SLC9C1: variants seen among roughly 807,000 people sequenced by gnomAD.
SLC9C1 encodes sodium/hydrogen exchanger 10.
SLC9C1 carries 97 observed loss-of-function variants against 140.9 expected under a neutral mutation model. The ratio of observed to expected loss-of-function variants is 0.69; its 90% CI spans 0.58 to 0.82. The LOEUF (loss-of-function observed/expected upper bound fraction) is 0.82, where lower values mean the gene tolerates loss of function less well. SLC9C1 is among the 40% of genes least tolerant of loss of function. The probability of loss-of-function intolerance (pLI) is 0.00; values close to 1 mark genes in which losing one functional copy is unlikely to be tolerated. For synonymous variants in SLC9C1, 440 were observed against 442.6 expected (o/e 0.99, Z 0.07); for missense variants, 1,340 against 1,389.3 (o/e 0.96, Z 0.56).
intron 6 of SLC9C1, among the ~76,000 whole-genome samples, chr3:112,270,354 C>T (rs1320783671): frequency 6.6e-6 from 1 of 152,172 alleles, no homozygotes; most frequent in Non-Finnish European, 1.5e-5. Flanking sequence ...ATTTACATTC[C>T]CACCAACAGT....
intron 28 of SLC9C1, among the ~76,000 whole-genome samples, chr3:112,145,895 T>C (rs966835248): frequency 1.1e-4 from 16 of 152,016 alleles, no homozygotes; most frequent in African/African-American, 3.6e-4. Context: ...AAGGGGGAGT[T>C]TCCCTGCCCA....
At chr3:112,147,267 G>C (rs896109821) in intron 28 of SLC9C1, among the ~76,000 whole-genome samples, 1 of 152,058 alleles carries the variant, frequency 6.6e-6, no homozygotes, top group Non-Finnish European at 1.5e-5. Flanking sequence ...TTTTACGTGG[G>C]GGTGTTTACA....
rs558199458 is a variant in SLC9C1, at chr3:112,191,799, G to A, written c.2523+7522C>T. Among the ~76,000 whole-genome samples the A allele has an allele frequency of 4.6e-5, 7 of 151,970 alleles. No individual in the cohort carries two copies. In the South Asian group the frequency reaches 1.5e-3, roughly 32 times the overall value. On this transcript the variant is annotated intron_variant, in intron 20 of 28. Coordinates refer to ENST00000305815, the MANE Select transcript of SLC9C1 (RefSeq NM_183061.3). ...AAGTTTTTCTTTCTATATGGTGTGA[G>A]GTATGGATCTAATGTTATATTTTTT...
rs373995955 is a variant in SLC9C1 at position 112,233,012 on chromosome 3, A to C, written c.1447-1526T>G. 2.2e-4 allele frequency among the ~76,000 whole-genome samples: 32 copies of C among 147,114 alleles called. 1 individual carries two copies. In the East Asian group the frequency reaches 5.5e-3, roughly 25 times the overall value. On this transcript the variant is annotated intron_variant, in intron 12 of 28. Transcript: ENST00000305815. ...TTTGGTCAAAAACTAGCCATTTTCT[A>C]AGGTTCACTTTCATACACACACACA...
intron 7 of SLC9C1, among the ~76,000 whole-genome samples, chr3:112,268,206 C>G (rs1006157045): frequency 2.6e-5 from 4 of 152,052 alleles, no homozygotes; most frequent in African/African-American, 9.7e-5. Flanking sequence ...ATGAGGAACC[C>G]ACCTGAATTA....
intron 10 of SLC9C1, among the ~76,000 whole-genome samples, chr3:112,245,307 T>TA (rs1451506288): frequency 4.6e-5 from 7 of 152,268 alleles, no homozygotes; most frequent in East Asian, 1.9e-4. Flanking sequence ...TGTACGTTTT[T>TA]AAAAAAATTG....
intron 26 of SLC9C1, among the ~76,000 whole-genome samples, chr3:112,159,470 T>A (rs980038902): frequency 3.9e-5 from 6 of 152,140 alleles, no homozygotes; most frequent in Non-Finnish European, 5.9e-5. Context: ...AGACTTGTTT[T>A]GTGGCTTAAC....
intron 1 of SLC9C1, among the ~76,000 whole-genome samples, chr3:112,291,172 G>C (rs2080671013): frequency 6.6e-6 from 1 of 152,152 alleles, no homozygotes; most frequent in South Asian, 2.1e-4. Flanking sequence ...TTTTTGTAGT[G>C]GCTGGTAATG....
At chr3:112,194,542 T>C (rs2077730827) in intron 20 of SLC9C1, among the ~76,000 whole-genome samples, 1 of 152,222 alleles carries the variant, frequency 6.6e-6, no homozygotes, top group Admixed American at 6.5e-5. Context: ...TCACTGTAAA[T>C]TAATTGGCTT....
Position 112,231,301 on chromosome 3 carries a change from GA to G in SLC9C1, c.1572+59del, listed in dbSNP as rs142627925. The G allele has an allele frequency of 1.9e-3, 3,011 of 1,591,468 alleles. 52 individuals carry two copies. In the African/African-American group the frequency reaches 0.033, roughly 18 times the overall value. ...GCATGATCAAGATGTCTTTATAAAG[GA>G]GGAATTTTTCAACATAATTTTTGGC... is the stretch of plus-strand genomic sequence containing the variant. On this transcript the variant is annotated intron_variant, in intron 13 of 28. Coordinates refer to ENST00000305815, the MANE Select transcript of SLC9C1 (RefSeq NM_183061.3).
chr3:112,187,044 T>C (rs1271870341), intron 20 of SLC9C1, among the ~76,000 whole-genome samples: 1 of 152,226 alleles, frequency 6.6e-6, no homozygotes, highest in Non-Finnish European at 1.5e-5. Flanking sequence ...AAAGGTTTTT[T>C]ACACACATCT....
At chr3:112,159,291 A>G (rs1239454667) in intron 26 of SLC9C1, among the ~76,000 whole-genome samples, 1 of 151,924 alleles carries the variant, frequency 6.6e-6, no homozygotes, top group South Asian at 2.1e-4. Context: ...TTTAAATTTC[A>G]CGTATTTAAA....
chr3:112,170,166 T>A (rs970238216), intron 23 of SLC9C1, among the ~76,000 whole-genome samples: 1 of 152,150 alleles, frequency 6.6e-6, no homozygotes, highest in African/African-American at 2.4e-5. Context: ...CTAAATAGCT[T>A]CTGTACCACA....
At chr3:112,161,776 A>G (rs1370048520) in intron 26 of SLC9C1, among the ~76,000 whole-genome samples, 1 of 151,434 alleles carries the variant, frequency 6.6e-6, no homozygotes, top group African/African-American at 2.4e-5. Context: ...TTCCATATGA[A>G]CTTTAAAGTA....
chr3:112,214,861 A>G (rs2078311961), intron 15 of SLC9C1, among the ~76,000 whole-genome samples: 1 of 152,172 alleles, frequency 6.6e-6, no homozygotes, highest in South Asian at 2.1e-4. Context: ...TCATTTTATG[A>G]GGCCAGCATC....
intron 16 of SLC9C1, 126 bp downstream of exon 16, chr3:112,208,052 G>T: frequency 3.0e-6 from 2 of 670,882 alleles, no homozygotes; most frequent in Non-Finnish European, 4.7e-6. Flanking sequence ...TTAAAGTTTG[G>T]AGACGTGAGG....
rs758917624 is a variant in SLC9C1, at chr3:112,182,146, A to C, written c.2636T>G (p.Ile879Arg). 1 of 1,561,004 alleles carries C rather than the reference A, an allele frequency of 6.4e-7. No homozygotes were observed. The highest frequency in any genetic ancestry group is 8.7e-7 in the Non-Finnish European group (1 of 1,154,592). ...TAAAAGTGTTACCTGAATGAAGTTT[A>C]TATAATCTTTGTTTTTATCTAGCCA... ...IPWLDKNKDY[I>R]NFIQEKAKVV... The change falls in exon 21 of 29, where the codon ATA (isoleucine) becomes AGA (arginine). Residue 879 changes from isoleucine to arginine, a missense_variant. Ile to Arg is a moderately conservative substitution (Grantham distance 97, BLOSUM62 -3). Coordinates refer to ENST00000305815, the MANE Select transcript of SLC9C1 (RefSeq NM_183061.3).
At chr3:112,244,109 A>C in intron 10 of SLC9C1, 33 bp from the exon 11 acceptor site, 1 of 1,388,288 alleles carries the variant, frequency 7.2e-7, no homozygotes, top group Non-Finnish European at 1.0e-6. Flanking sequence ...GTAAGTATTC[A>C]TGACAATTTC....
At chr3:112,148,479 C>T (rs1399233533) in intron 28 of SLC9C1, among the ~76,000 whole-genome samples, 1 of 151,754 alleles carries the variant, frequency 6.6e-6, no homozygotes, top group Non-Finnish European at 1.5e-5. Context: ...TATTTTTTCC[C>T]TTCCCTTTTC....
Sources: allele counts gnomAD v4.1 joint callset (sites outside exome capture counted in the v4.1 genomes callset), GRCh38; gene constraint gnomAD v4.1.1; transcripts MANE v1.5; gene names NCBI Gene and HGNC (gene_info 2026-07-23, HGNC 2026-07-21).